The following CCDC38 variants were observed in gnomAD, a reference collection of about 807,000 sequenced individuals.
CCDC38 encodes the protein coiled-coil domain-containing protein 38.
CCDC38 carries 69 observed loss-of-function variants against 72.8 expected under a neutral mutation model. That is an observed-to-expected ratio of 0.95 (90% confidence interval 0.78 to 1.16). The LOEUF (loss-of-function observed/expected upper bound fraction) is 1.16, where lower values mean the gene tolerates loss of function less well. CCDC38 is among the 50% of genes most tolerant of loss of function. CCDC38 has a pLI of 0.00. For synonymous variants in CCDC38, 201 were observed against 213.2 expected, an observed-to-expected ratio of 0.94 and a Z score of 0.50; for missense variants, 626 against 638.9, an observed-to-expected ratio of 0.98 and a Z score of 0.22.
chr12:95,907,689 C>T (rs1490819659), intron 4 of CCDC38, among the ~76,000 whole-genome samples: 3 of 140,546 alleles, frequency 2.1e-5, no homozygotes, highest in Non-Finnish European at 4.6e-5. Flanking sequence ...TCAGACGGGG[C>T]GGCTGCTGGG....
Position 95,920,082 on chromosome 12 carries a change from C to T in CCDC38, c.38-1106G>A, listed in dbSNP as rs552022005. 2.6e-5 allele frequency among the ~76,000 whole-genome samples: 4 copies of T among 152,252 alleles called. No individual in the cohort carries two copies. In the South Asian group the frequency reaches 8.3e-4, roughly 32 times the overall value. On this transcript the variant is annotated intron_variant, in intron 2 of 15. Coordinates refer to ENST00000344280, the MANE Select transcript of CCDC38 (RefSeq NM_182496.3). ...TTTAATAGCCAAAAAATAGAGACAACCTAGATATCTGATATGGATTGGCTG... is the reference window on the plus strand; with the variant it reads ...TTTAATAGCCAAAAAATAGAGACAATCTAGATATCTGATATGGATTGGCTG...
Position 95,879,876 on chromosome 12 carries a change from G to A in CCDC38, c.991-81C>T. 1 of 1,083,180 alleles carries A rather than the reference G, an allele frequency of 9.2e-7. No homozygotes were observed. The allele number at this position is 1,083,180 out of a possible 1,614,324, so 67.1% of individuals were successfully genotyped here. ...ATGTGACTTATCTAGAAAATACAGTGGGGTAAAGGAAGACAGTTCTAAGGA... is the reference window on the plus strand; with the variant it reads ...ATGTGACTTATCTAGAAAATACAGTAGGGTAAAGGAAGACAGTTCTAAGGA... On this transcript the variant is annotated intron_variant, in intron 11 of 15. Coordinates refer to ENST00000344280, the MANE Select transcript of CCDC38 (RefSeq NM_182496.3). The surrounding 1 kb of genome is among the most constrained non-coding windows in gnomAD (Gnocchi z 5.5).
intron 2 of CCDC38, among the ~76,000 whole-genome samples, chr12:95,936,090 T>A (rs1055462656): frequency 6.6e-6 from 1 of 150,964 alleles, no homozygotes; most frequent in African/African-American, 2.4e-5. Context: ...AAAAAAGTAA[T>A]TAATTAAATA....
chr12:95,883,013 T>C (rs1377112373), intron 10 of CCDC38, among the ~76,000 whole-genome samples: 1 of 152,208 alleles, frequency 6.6e-6, no homozygotes, highest in East Asian at 1.9e-4. Flanking sequence ...ATCTGGGCGT[T>C]ATCTGTAACC....
At chr12:95,891,573 C>G (rs2079827801) in intron 8 of CCDC38, among the ~76,000 whole-genome samples, 1 of 152,096 alleles carries the variant, frequency 6.6e-6, no homozygotes. Context: ...GTCTCCAACT[C>G]CTCGGCTCAA....
At chr12:95,901,298 GGT>G in intron 5 of CCDC38, among the ~76,000 whole-genome samples, 1 of 152,170 alleles carries the variant, frequency 6.6e-6, no homozygotes, top group Non-Finnish European at 1.5e-5. Context: ...CAGGGACTAT[GGT>G]ATGAGATACA....
At chr12:95,889,987 C>T (rs914106869) in intron 9 of CCDC38, among the ~76,000 whole-genome samples, 3 of 152,080 alleles carry the variant, frequency 2.0e-5, no homozygotes, top group Non-Finnish European at 2.9e-5. Flanking sequence ...TCACTGCTCA[C>T]CATGGCCTCG....
chr12:95,901,344 C>T (rs918112155), intron 5 of CCDC38, among the ~76,000 whole-genome samples: 10 of 151,804 alleles, frequency 6.6e-5, no homozygotes, highest in Non-Finnish European at 1.3e-4. Flanking sequence ...ATATTAGGGG[C>T]GGAGTTTAGG....
intron 2 of CCDC38, among the ~76,000 whole-genome samples, chr12:95,932,747 C>T (rs1029062422): frequency 4.6e-5 from 7 of 152,148 alleles, no homozygotes; most frequent in East Asian, 3.8e-4. Context: ...TAGTCCCATA[C>T]GAGTTTCTCT....
chr12:95,916,779 C>T (rs946931764), intron 4 of CCDC38, among the ~76,000 whole-genome samples: 3 of 152,066 alleles, frequency 2.0e-5, no homozygotes, highest in Non-Finnish European at 2.9e-5. Context: ...GATATCAAGG[C>T]TTTTTTATCT....
At chr12:95,897,860 A>T (rs1409625546) in intron 7 of CCDC38, among the ~76,000 whole-genome samples, 1 of 152,080 alleles carries the variant, frequency 6.6e-6, no homozygotes, top group Non-Finnish European at 1.5e-5. Context: ...CTTCCAAAGG[A>T]GCTGAGAGGC....
At chr12:95,911,028 T>C (rs34745616) in intron 4 of CCDC38, among the ~76,000 whole-genome samples, 2 of 152,150 alleles carry the variant, frequency 1.3e-5, no homozygotes, top group Non-Finnish European at 1.5e-5. Flanking sequence ...AGCATGGTAC[T>C]GGTACAAAAA....
chr12:95,867,807 G>A (rs528275056), intron 15 of CCDC38, among the ~76,000 whole-genome samples: 163 of 152,010 alleles, frequency 1.1e-3, no homozygotes, highest in African/African-American at 3.9e-3. Flanking sequence ...ATTTTGTTTT[G>A]CTTTTATAGC....
chr12:95,915,241 A>G (rs898113399), intron 4 of CCDC38, among the ~76,000 whole-genome samples: 4 of 152,212 alleles, frequency 2.6e-5, no homozygotes, highest in Non-Finnish European at 4.4e-5. Flanking sequence ...CCAAGAGGCC[A>G]TGAATTAATA....
intron 2 of CCDC38, chr12:95,919,692 TTAATA>T (rs2080183383): frequency 1.6e-5 from 7 of 450,870 alleles, no homozygotes; most frequent in South Asian, 1.1e-4. Flanking sequence ...TTTTGAGATA[TTAATA>T]TGTTTCTTCT....
At chr12:95,901,580 AGAG>A (rs2079950815) in intron 5 of CCDC38, among the ~76,000 whole-genome samples, 1 of 152,218 alleles carries the variant, frequency 6.6e-6, no homozygotes, top group Non-Finnish European at 1.5e-5. Flanking sequence ...ATCAGGGAGA[AGAG>A]GAGAACAAGC....
rs2079660891 is a variant in CCDC38, at chr12:95,878,425, C to T, written c.1143-79G>A. The stretch of plus-strand genomic sequence containing the variant: ...ACCATCAGTCAGGAGCTTTAACACT[C>T]TAGATCATGTGTCAAAATCCATGTA... On this transcript the variant is annotated intron_variant, in intron 12 of 15. Transcript: ENST00000344280. 1.1e-5 allele frequency: 15 copies of T among 1,377,622 alleles called. No individual in the cohort carries two copies. The Admixed American group carries it at 2.7e-4, about 24-fold the overall frequency. The allele number at this position is 1,377,622 out of a possible 1,614,324, so 85.3% of individuals were successfully genotyped here. A position where few individuals can be genotyped will look rare whatever the true frequency, so the allele number is the denominator to read the frequency against.
chr12:95,872,850 C>A (rs1210554568), intron 13 of CCDC38, among the ~76,000 whole-genome samples: 1 of 152,174 alleles, frequency 6.6e-6, no homozygotes, highest in Non-Finnish European at 1.5e-5. Flanking sequence ...AGCCACTGTG[C>A]CTGGCCTAAT....
rs192632595 is a variant in CCDC38, at chr12:95,910,536, A to G, written c.305-4085T>C. Among the ~76,000 whole-genome samples the G allele has an allele frequency of 7.2e-4, 110 of 152,268 alleles. 2 individuals are homozygous for G. The highest frequency in any genetic ancestry group is 7.2e-3 in the Admixed American group (110 of 15,292). Reference sequence around the variant, plus strand: ...CAATGCTATTCCTATCAAACTACCAATGTCACTTTTCACAGAATTAGAAAA... The same window carrying G: ...CAATGCTATTCCTATCAAACTACCAGTGTCACTTTTCACAGAATTAGAAAA... On this transcript the variant is annotated intron_variant, in intron 4 of 15. Coordinates refer to ENST00000344280, the MANE Select transcript of CCDC38 (RefSeq NM_182496.3).
Sources: gnomAD v4.1 joint callset for allele counts (sites outside exome capture counted in the v4.1 genomes callset) on GRCh38, gnomAD v4.1.1 for gene constraint, Gnocchi (gnomAD v3.1) non-coding constraint, MANE v1.5 for transcripts, NCBI Gene and HGNC (gene_info 2026-07-23, HGNC 2026-07-21) for gene names.